The following TRIP12 variants were observed in gnomAD, a reference collection of about 807,000 sequenced individuals.
TRIP12 encodes the protein thyroid hormone receptor interactor 12.
TRIP12 carries 25 observed loss-of-function variants against 244.2 expected under a neutral mutation model. The observed-to-expected ratio is 0.10, with a 90% CI of 0.07 to 0.14. The LOEUF is 0.14. Among genes scored for constraint, TRIP12 ranks in the 10% least tolerant of loss-of-function variants. The pLI is 1.00. For missense variants in TRIP12, 1,677 were observed against 2,486.4 expected (o/e 0.67, Z 6.92); for synonymous variants, 905 against 873.1 (o/e 1.04, Z -0.64).
intron 1 of TRIP12, among the ~76,000 whole-genome samples, chr2:229,901,797 G>C (rs573066223): frequency 2.0e-5 from 3 of 152,060 alleles, no homozygotes; most frequent in Non-Finnish European, 4.4e-5. Flanking sequence ...TAAGCAGTGG[G>C]AAGAGAAGAA....
chr2:229,867,172 T>TTTTC (rs1491395878), intron 2 of TRIP12, among the ~76,000 whole-genome samples: 1 of 8,210 alleles, frequency 1.2e-4, no homozygotes, highest in African/African-American at 1.5e-4. Context: ...TGTTTGTTTG[T>TTTTC]TTTTTTTTTT....
At chr2:229,774,332 A>G (rs1047214657) in intron 37 of TRIP12, 71 bp from the exon 38 acceptor site, 24 of 1,447,042 alleles carry the variant, frequency 1.7e-5, no homozygotes, top group Middle Eastern at 1.8e-4. Flanking sequence ...AAAATAAAAG[A>G]TATCCTAATA....
At chr2:229,889,241 G>C (rs1265022770) in intron 1 of TRIP12, among the ~76,000 whole-genome samples, 1 of 152,154 alleles carries the variant, frequency 6.6e-6, no homozygotes, top group African/African-American at 2.4e-5. Context: ...TGTGAGAAAA[G>C]CAAAGAAGAA....
chr2:229,802,499 A>T lies in TRIP12; in HGVS notation c.2999-40T>A, dbSNP rs372700526. On this transcript the variant is annotated intron_variant, in intron 20 of 41. Coordinates refer to ENST00000675903, the MANE Select transcript of TRIP12 (RefSeq NM_001348323.3). ...AGATGAAAGGGAGTCAGTTTTAATC[A>T]GGAGTAGAACCTTCTCCCCACCATT... The T allele has an allele frequency of 2.6e-6, 4 of 1,525,536 alleles. No homozygotes were observed. The African/African-American group carries it at 5.5e-5, about 21-fold the overall frequency. 94.5% of individuals were successfully genotyped at this position (1,525,536 alleles called of 1,614,324 possible).
intron 5 of TRIP12, 136 bp downstream of exon 5, chr2:229,840,686 G>A (rs1296979769): frequency 6.0e-6 from 4 of 666,100 alleles, no homozygotes; most frequent in Non-Finnish European, 9.6e-6. Flanking sequence ...TGGGTGACAA[G>A]AGCAAGACTC....
chr2:229,882,770 A>G lies in TRIP12; in HGVS notation c.-49-2642T>C, dbSNP rs1046669163. Among the ~76,000 whole-genome samples, 20 of 152,192 alleles carry G rather than the reference A, an allele frequency of 1.3e-4. 1 individual carries two copies. The highest frequency in any genetic ancestry group is 1.5e-5 in the Non-Finnish European group (1 of 68,030). ...ATGTCATGGAGTGTTAAGTCATTCA[A>G]ATGAAACTAAGTCAGGCTAGTTGTT... On this transcript the variant is annotated intron_variant, in intron 1 of 41. Transcript: ENST00000675903.
At chr2:229,768,542 G>T in intron 41 of TRIP12, 74 bp downstream of exon 41, 3 of 1,337,342 alleles carry the variant, frequency 2.2e-6, no homozygotes, top group Non-Finnish European at 3.1e-6. Flanking sequence ...ATCTCCTGCT[G>T]ATGGTACTGA....
chr2:229,902,319 G>C (rs2071162973), intron 1 of TRIP12, among the ~76,000 whole-genome samples: 1 of 152,100 alleles, frequency 6.6e-6, no homozygotes, highest in Admixed American at 6.6e-5. Flanking sequence ...GGCGGAGGTA[G>C]CAGTGAGCCG....
At chr2:229,915,068 C>G (rs2075114347) in intron 1 of TRIP12, among the ~76,000 whole-genome samples, 1 of 152,104 alleles carries the variant, frequency 6.6e-6, no homozygotes, top group Non-Finnish European at 1.5e-5. Flanking sequence ...GCCTGGCCAA[C>G]AGAGTGAAAC....
intron 11 of TRIP12, among the ~76,000 whole-genome samples, chr2:229,814,690 T>TA (rs1329862527): frequency 6.6e-6 from 1 of 152,160 alleles, no homozygotes; most frequent in Non-Finnish European, 1.5e-5. Context: ...TGTTGTGCGT[T>TA]AAACAAACAA....
intron 1 of TRIP12, among the ~76,000 whole-genome samples, chr2:229,912,208 T>C (rs1470330816): frequency 6.6e-6 from 1 of 152,146 alleles, no homozygotes; most frequent in Non-Finnish European, 1.5e-5. Context: ...AAACAAGAAG[T>C]TTTACCTTCA....
chr2:229,905,615 T>C (rs940168797), intron 1 of TRIP12, among the ~76,000 whole-genome samples: 23 of 152,214 alleles, frequency 1.5e-4, no homozygotes, highest in Admixed American at 1.2e-3. Flanking sequence ...GAATATACTT[T>C]TAAAAATACC....
intron 8 of TRIP12, among the ~76,000 whole-genome samples, chr2:229,819,040 C>CCACACACA (rs370625320): frequency 0.011 from 1,502 of 134,028 alleles, 22 homozygotes; most frequent in African/African-American, 0.031. Flanking sequence ...AAAATAAAAA[C>CCACACACA]CACACACACA....
At chr2:229,816,044 T>C (rs1341682766) in intron 9 of TRIP12, among the ~76,000 whole-genome samples, 3 of 152,138 alleles carry the variant, frequency 2.0e-5, no homozygotes, top group Admixed American at 6.6e-5. Context: ...ACCAAAGAAA[T>C]TTCCTCCTTG....
At chr2:229,810,772 G>T in intron 15 of TRIP12, 108 bp downstream of exon 15, 1 of 1,109,926 alleles carries the variant, frequency 9.0e-7, no homozygotes, top group African/African-American at 1.6e-5. Context: ...ACTATCCAAT[G>T]CCTATAATAT....
chr2:229,770,330 C>A (rs2033776423), intron 39 of TRIP12, among the ~76,000 whole-genome samples: 1 of 152,080 alleles, frequency 6.6e-6, no homozygotes, highest in Non-Finnish European at 1.5e-5. Flanking sequence ...ACAGTCCTAT[C>A]AGATACAGTA....
chr2:229,822,844 AC>A (rs2050431686), intron 8 of TRIP12, among the ~76,000 whole-genome samples: 1 of 152,232 alleles, frequency 6.6e-6, no homozygotes, highest in Admixed American at 6.5e-5. Context: ...AAGAATATAC[AC>A]ATTTTCAACA....
At chr2:229,818,580 C>T in intron 8 of TRIP12, 68 bp from the exon 9 acceptor site, 1 of 1,445,872 alleles carries the variant, frequency 6.9e-7, no homozygotes. Context: ...TAAGGTGTGA[C>T]TCGAAATGTA....
At chr2:229,854,655 A>C (rs1241813545) in intron 4 of TRIP12, among the ~76,000 whole-genome samples, 2 of 152,254 alleles carry the variant, frequency 1.3e-5, no homozygotes, top group African/African-American at 4.8e-5. Flanking sequence ...AGAGACAATC[A>C]TAAAATACCA....
Sources: allele counts gnomAD v4.1 joint callset (sites outside exome capture counted in the v4.1 genomes callset), GRCh38; gene constraint gnomAD v4.1.1; transcripts MANE v1.5; gene names NCBI Gene and HGNC (gene_info 2026-07-23, HGNC 2026-07-21).